Variants in MYO1E observed in about 807,000 individuals in gnomAD.
The protein encoded by MYO1E is myosin IE.
In MYO1E, 68 loss-of-function variants were observed where a neutral mutation model predicts 151.1. The ratio of observed to expected loss-of-function variants is 0.45; its 90% CI spans 0.37 to 0.55. The LOEUF is 0.55. Among genes scored for constraint, MYO1E ranks in the 20% least tolerant of loss-of-function variants. The pLI, the probability that MYO1E is intolerant of heterozygous loss-of-function variation, is 0.00. For missense variants in MYO1E, 1,363 were observed against 1,389.3 expected (o/e 0.98, Z 0.30); for synonymous variants, 601 against 501.7 (o/e 1.20, Z -2.64).
intron 16 of MYO1E, among the ~76,000 whole-genome samples, chr15:59,196,145 G>A (rs1339066361): frequency 6.6e-6 from 1 of 152,100 alleles, no homozygotes; most frequent in Non-Finnish European, 1.5e-5. Flanking sequence ...ATTTCATTCA[G>A]TTTCTTCCTC....
chr15:59,164,045 G>C (rs1026077940), intron 22 of MYO1E, among the ~76,000 whole-genome samples: 1 of 152,228 alleles, frequency 6.6e-6, no homozygotes, highest in African/African-American at 2.4e-5. Context: ...GAGGGGAGCA[G>C]GTGTTACAAG....
chr15:59,350,628 A>G lies in MYO1E; in HGVS notation c.3+21870T>C, dbSNP rs2080818186. Among the ~76,000 whole-genome samples, 1 of 152,202 alleles carries G rather than the reference A, an allele frequency of 6.6e-6. No individual in the cohort carries two copies. The highest frequency in any genetic ancestry group is 2.1e-4 in the South Asian group (1 of 4,836). ...TGTCGAGAGTGTACAGGAATGTGGG[A>G]AGGCCAAAGGGAAAGATGGTGAATT... On this transcript the variant is annotated intron_variant, in intron 1 of 27. Transcript: ENST00000288235. The surrounding 1 kb of genome is among the most constrained non-coding windows in gnomAD (Gnocchi z 5.0).
intron 26 of MYO1E, among the ~76,000 whole-genome samples, chr15:59,143,638 T>G (rs559799319): frequency 3.4e-4 from 52 of 152,286 alleles, no homozygotes; most frequent in African/African-American, 1.2e-3. Context: ...GGCCTTGTCC[T>G]AGGCATTTTC....
intron 1 of MYO1E, among the ~76,000 whole-genome samples, chr15:59,310,275 T>C (rs781254909): frequency 1.8e-4 from 28 of 152,112 alleles, no homozygotes; most frequent in Admixed American, 5.2e-4. Flanking sequence ...GAAGTGTGTA[T>C]CTGTTGTGGG....
At chr15:59,218,348 G>C (rs1301650029) in intron 9 of MYO1E, 1 of 601,492 alleles carries the variant, frequency 1.7e-6, no homozygotes, top group Non-Finnish European at 3.1e-6. Flanking sequence ...ACAAATCAGG[G>C]ATTCAAGAAG....
chr15:59,159,299 C>T lies in MYO1E; in HGVS notation c.2786-920G>A, dbSNP rs989351492. Among the ~76,000 whole-genome samples, 2 of 152,242 alleles carry T rather than the reference C, an allele frequency of 1.3e-5. No homozygotes were observed. The highest frequency in any genetic ancestry group is 4.8e-5 in the African/African-American group (2 of 41,470). On this transcript the variant is annotated intron_variant, in intron 24 of 27. Transcript: ENST00000288235. This position sits in a 1 kb window ranked among gnomAD's most constrained non-coding sequence, Gnocchi z 4.4. ...ACCCCAAATAAGATAGAATCCAACA[C>T]CTATTGGGCAATTTCCCCTCGGGGG...
chr15:59,173,282 C>A (rs2079606183), intron 21 of MYO1E, among the ~76,000 whole-genome samples: 1 of 152,162 alleles, frequency 6.6e-6, no homozygotes, highest in Non-Finnish European at 1.5e-5. Context: ...AAGATGCTCA[C>A]TGAAGTTACG....
Position 59,195,070 on chromosome 15 carries a change from C to T in MYO1E, c.1805+391G>A, listed in dbSNP as rs1435996140. 2.6e-5 allele frequency among the ~76,000 whole-genome samples: 4 copies of T among 152,224 alleles called. No homozygotes were observed. The East Asian group carries it at 5.8e-4, about 22-fold the overall frequency. On this transcript the variant is annotated intron_variant, in intron 17 of 27. Transcript: ENST00000288235. ...CAGCTCTTACGCCCTCCACTTTCCACCCCAAGCTAAGCATTCTAGGCCACA... is the reference window on the plus strand; with the variant it reads ...CAGCTCTTACGCCCTCCACTTTCCATCCCAAGCTAAGCATTCTAGGCCACA...
chr15:59,236,369 TACACACACACACACAC>T (rs56164138), intron 5 of MYO1E, among the ~76,000 whole-genome samples, 200 bp downstream of exon 5: 1,221 of 117,748 alleles, frequency 0.01, 55 homozygotes, highest in African/African-American at 0.031. Context: ...AAAAAATATA[TACACACACACACACAC>T]ACACACACAC....
intron 4 of MYO1E, 54 bp from the exon 5 acceptor site, chr15:59,236,726 C>G (rs2080069052): frequency 7.2e-7 from 1 of 1,389,994 alleles, no homozygotes; most frequent in South Asian, 1.2e-5. Context: ...GACCAGCTCC[C>G]TTCCTTGTCT....
intron 14 of MYO1E, 146 bp from the exon 15 acceptor site, chr15:59,205,631 G>C (rs1195876386): frequency 2.6e-6 from 2 of 763,726 alleles, no homozygotes; most frequent in Non-Finnish European, 4.5e-6. Context: ...TGGATTTCCA[G>C]ATGTTGCATT....
At chr15:59,202,509 T>C (rs1182290221) in intron 15 of MYO1E, 102 bp from the exon 16 acceptor site, 15 of 1,047,510 alleles carry the variant, frequency 1.4e-5, no homozygotes, top group Middle Eastern at 2.4e-4. Flanking sequence ...CCCAGGCACA[T>C]AACCTTGGCT....
At chr15:59,281,387 T>G (rs2080352505) in intron 1 of MYO1E, among the ~76,000 whole-genome samples, 1 of 152,056 alleles carries the variant, frequency 6.6e-6, no homozygotes, top group Non-Finnish European at 1.5e-5. Context: ...GTGATTCTCC[T>G]GCCTCAGTCT....
intron 1 of MYO1E, among the ~76,000 whole-genome samples, chr15:59,346,992 A>G (rs1338395920): frequency 5.9e-5 from 9 of 152,104 alleles, no homozygotes; most frequent in Non-Finnish European, 1.2e-4. Flanking sequence ...CCCTGAAAGA[A>G]GGGCTGATGG....
chr15:59,232,262 G>A (rs2080032805), intron 5 of MYO1E, among the ~76,000 whole-genome samples: 1 of 152,144 alleles, frequency 6.6e-6, no homozygotes, highest in Non-Finnish European at 1.5e-5. Flanking sequence ...CCCCAAACAA[G>A]GTTATGGAAA....
intron 4 of MYO1E, among the ~76,000 whole-genome samples, chr15:59,244,774 C>T (rs1054633196): frequency 2.2e-4 from 33 of 152,172 alleles, no homozygotes; most frequent in African/African-American, 8.0e-4. Context: ...GACAGCAATA[C>T]CTAGTTTGCT....
chr15:59,200,720 G>C (rs1309036986), intron 16 of MYO1E, among the ~76,000 whole-genome samples: 1 of 152,244 alleles, frequency 6.6e-6, no homozygotes, highest in Non-Finnish European at 1.5e-5. Flanking sequence ...TATACATCTT[G>C]TGTTCAGTAT....
chr15:59,231,739 T>C lies in MYO1E; in HGVS notation c.473A>G (p.Asn158Ser), dbSNP rs908199783. The C allele has an allele frequency of 1.2e-6, 2 of 1,614,038 alleles. No homozygotes were observed. The highest frequency in any genetic ancestry group is 2.7e-5 in the African/African-American group (2 of 74,924). The change falls in exon 6 of 28, where the codon AAC (asparagine) becomes AGC (serine). Residue 158 changes from asparagine to serine, a missense_variant. Asn to Ser is a conservative substitution (Grantham distance 46). Coordinates refer to ENST00000288235, the MANE Select transcript of MYO1E (RefSeq NM_004998.4). ...GTTGTTGTTCCGGACGGTCTTGGCG[T>C]TCCCGAAGGCCTCCAGCAGCGGGTT... The part of the protein sequence containing the change: ...QSNPLLEAFG[N>S]AKTVRNNNSS...
chr15:59,192,612 G>A (rs2079740924), intron 17 of MYO1E, among the ~76,000 whole-genome samples: 1 of 152,176 alleles, frequency 6.6e-6, no homozygotes, highest in Non-Finnish European at 1.5e-5. Context: ...TTCCAAGACT[G>A]TCAAAATGCA....
Sources: allele counts gnomAD v4.1 joint callset (sites outside exome capture counted in the v4.1 genomes callset), GRCh38; gene constraint gnomAD v4.1.1; non-coding constraint Gnocchi (gnomAD v3.1); transcripts MANE v1.5; gene names NCBI Gene and HGNC (gene_info 2026-07-23, HGNC 2026-07-21).